The following HSF2BP variants were observed in gnomAD, a reference collection of about 807,000 sequenced individuals.
HSF2BP encodes heat shock factor 2-binding protein.
In HSF2BP, 35 loss-of-function variants were observed where a neutral mutation model predicts 35.0. The observed-to-expected ratio is 1.00, with a 90% CI of 0.76 to 1.32. The LOEUF (loss-of-function observed/expected upper bound fraction) is 1.32. Ranked by LOEUF, HSF2BP falls within the 40% of genes most tolerant of loss-of-function variation. HSF2BP has a pLI of 0.00. For synonymous variants in HSF2BP, 114 were observed against 117.4 expected, an observed-to-expected ratio of 0.97 and a Z score of 0.18; for missense variants, 326 against 321.7, an observed-to-expected ratio of 1.01 and a Z score of -0.10.
At chr21:43,592,101 G>A (rs1383886095) in intron 8 of HSF2BP, 124 bp downstream of exon 8, 1 of 635,860 alleles carries the variant, frequency 1.6e-6, no homozygotes, top group South Asian at 2.0e-5. Context: ...AGTATATAGA[G>A]AGGATTTGGT....
intron 4 of HSF2BP, among the ~76,000 whole-genome samples, chr21:43,634,557 T>G (rs946571670): frequency 6.6e-6 from 1 of 152,176 alleles, no homozygotes; most frequent in Non-Finnish European, 1.5e-5. Flanking sequence ...TTTCACCCCC[T>G]GGAGGAAAAA....
At chr21:43,644,497 T>C (rs942612249) in intron 3 of HSF2BP, 105 bp from the exon 4 acceptor site, 3 of 777,454 alleles carry the variant, frequency 3.9e-6, no homozygotes, top group Non-Finnish European at 6.5e-6. Flanking sequence ...ACTGATTTCT[T>C]AGGTGAGAAT....
chr21:43,626,867 AT>A (rs72562311), intron 6 of HSF2BP, among the ~76,000 whole-genome samples: 78,960 of 146,892 alleles, frequency 0.54, 21,055 homozygotes, highest in East Asian at 0.66. Flanking sequence ...ATACCAAGAA[AT>A]TTTTTTTTTT....
In HSF2BP at chr21:43,646,735, G is replaced by C. The variant is rs140491350; in HGVS notation, c.188-2343C>G. Reference sequence around the variant, plus strand: ...GGTTAAAACATCCCACTCTACGATAGGCAATCTCATAGAATTCCAGTCAGT... The same window carrying C: ...GGTTAAAACATCCCACTCTACGATACGCAATCTCATAGAATTCCAGTCAGT... On this transcript the variant is annotated intron_variant, in intron 3 of 8. Coordinates refer to ENST00000291560, the MANE Select transcript of HSF2BP (RefSeq NM_007031.2). Among the ~76,000 whole-genome samples the C allele has an allele frequency of 2.6e-5, 4 of 152,268 alleles. No homozygotes were observed. The East Asian group carries it at 7.7e-4, about 29-fold the overall frequency.
chr21:43,576,618 T>A (rs2081648019), intron 8 of HSF2BP, among the ~76,000 whole-genome samples: 1 of 152,244 alleles, frequency 6.6e-6, no homozygotes, highest in East Asian at 1.9e-4. Flanking sequence ...CTTGCCTTGG[T>A]AACACTAAGC....
rs1291511026 is a variant in HSF2BP, at chr21:43,604,431, CCA to C, written c.692+9397_692+9398del. 1.2e-3 allele frequency among the ~76,000 whole-genome samples: 164 copies of C among 136,082 alleles called. 2 individuals carry two copies. Among genetic ancestry groups the C allele is most frequent in the African/African-American group, 4.2e-3 (149 of 35,204 alleles). 89.3% of individuals were successfully genotyped at this position (136,082 alleles called of 152,430 possible). A position where few individuals can be genotyped will look rare whatever the true frequency, so the allele number is the denominator to read the frequency against. The stretch of plus-strand genomic sequence containing the variant: ...CACCATACACACCCCACACACCACA[CCA>C]CACACACACCACGCACACACCACAC... On this transcript the variant is annotated intron_variant, in intron 7 of 8. Transcript: ENST00000291560.
chr21:43,605,804 CCACA>C (rs769337799), intron 7 of HSF2BP, among the ~76,000 whole-genome samples: 102 of 151,710 alleles, frequency 6.7e-4, no homozygotes, highest in African/African-American at 1.3e-3. Context: ...TAAACATGCC[CCACA>C]CAAACGCATA....
At chr21:43,644,249 A>G in intron 4 of HSF2BP, 40 bp downstream of exon 4, 2 of 1,480,316 alleles carry the variant, frequency 1.4e-6, no homozygotes, top group African/African-American at 1.4e-5. Context: ...AGCCAGCCCC[A>G]CTTTCTGGCT....
At chr21:43,624,403 C>T (rs2082365592) in intron 6 of HSF2BP, among the ~76,000 whole-genome samples, 1 of 152,126 alleles carries the variant, frequency 6.6e-6, no homozygotes, top group African/African-American at 2.4e-5. Flanking sequence ...AAGACAAAAA[C>T]CGAAGGTCAT....
At chr21:43,606,005 C>T (rs185312429) in intron 7 of HSF2BP, among the ~76,000 whole-genome samples, 28 of 152,158 alleles carry the variant, frequency 1.8e-4, no homozygotes, top group Admixed American at 9.8e-4. Context: ...CAAGCTGAGG[C>T]GGCCACACTC....
intron 5 of HSF2BP, among the ~76,000 whole-genome samples, chr21:43,632,041 A>C (rs2082469887): frequency 5.2e-5 from 2 of 38,400 alleles, no homozygotes; most frequent in Non-Finnish European, 4.1e-5. Context: ...TCCCACACAC[A>C]CACACGCTCC....
At chr21:43,626,771 T>C (rs182516063) in intron 6 of HSF2BP, among the ~76,000 whole-genome samples, 148 of 152,330 alleles carry the variant, frequency 9.7e-4, no homozygotes, top group African/African-American at 3.4e-3. Context: ...TCGTTAAGGC[T>C]GATAAGTCAC....
chr21:43,612,049 G>A (rs753281785), intron 7 of HSF2BP, among the ~76,000 whole-genome samples: 12 of 152,076 alleles, frequency 7.9e-5, no homozygotes, highest in Non-Finnish European at 1.8e-4. Flanking sequence ...ACTCACGAGG[G>A]GCAGTTCCAA....
At chr21:43,641,612 A>G (rs773671046) in intron 4 of HSF2BP, among the ~76,000 whole-genome samples, 1 of 152,100 alleles carries the variant, frequency 6.6e-6, no homozygotes, top group African/African-American at 2.4e-5. Flanking sequence ...ATTGAACTCA[A>G]TAACTTCTGC....
chr21:43,652,734 C>T (rs948827078), intron 3 of HSF2BP, among the ~76,000 whole-genome samples: 8 of 152,156 alleles, frequency 5.3e-5, no homozygotes, highest in South Asian at 2.1e-4. Flanking sequence ...TAGGAGGCCA[C>T]AGTAAACCTC....
At chr21:43,657,940 C>G in intron 2 of HSF2BP, 121 bp downstream of exon 2, 1 of 1,506,656 alleles carries the variant, frequency 6.6e-7, no homozygotes, top group Non-Finnish European at 8.8e-7. Flanking sequence ...GGGAGGAAGT[C>G]TCCAGGCTTC....
chr21:43,620,483 CAG>C (rs2082318982), intron 6 of HSF2BP, among the ~76,000 whole-genome samples: 2 of 152,132 alleles, frequency 1.3e-5, no homozygotes, highest in Admixed American at 1.3e-4. Context: ...GCCTTGGGGC[CAG>C]GAGTTTGAGA....
At position 43,630,436 on chromosome 21, in the gene HSF2BP, A is replaced by G; in HGVS notation, c.460T>C (p.Phe154Leu). The G allele has an allele frequency of 1.2e-6, 2 of 1,612,446 alleles. No individual in the cohort carries two copies. The highest frequency in any genetic ancestry group is 8.5e-7 in the Non-Finnish European group (1 of 1,179,524). ...TCCATTGTTTGACCAGTGATGCTGA[A>G]AAACTTCAAAGCTTTATCCTGAAAG... Reference protein sequence around the residue: ...ILGGDKALKFFSITGQTMESF... With the variant: ...ILGGDKALKFLSITGQTMESF... Residue 154 changes from phenylalanine to leucine, a missense_variant, in exon 6 of 9, where the codon TTC becomes CTC. Coordinates refer to ENST00000291560, the MANE Select transcript of HSF2BP (RefSeq NM_007031.2).
rs879346919 is a variant in HSF2BP, at chr21:43,604,680, CCA to C, written c.692+9148_692+9149del. Among the ~76,000 whole-genome samples, 149 of 131,708 alleles carry C rather than the reference CCA, an allele frequency of 1.1e-3. 1 individual carries two copies. The highest frequency in any genetic ancestry group is 1.9e-3 in the Non-Finnish European group (119 of 61,900). 86.4% of individuals were successfully genotyped at this position (131,708 alleles called of 152,430 possible). Reference sequence around the variant, plus strand: ...CACCACACACACACACCACCACACACCACACACACACTACACACTGCACTCAC... The same window carrying C: ...CACCACACACACACACCACCACACACCACACACACTACACACTGCACTCAC... On this transcript the variant is annotated intron_variant, in intron 7 of 8. Transcript: ENST00000291560.
Sources: allele counts gnomAD v4.1 joint callset (sites outside exome capture counted in the v4.1 genomes callset), GRCh38; gene constraint gnomAD v4.1.1; transcripts MANE v1.5; gene names NCBI Gene and HGNC (gene_info 2026-07-23, HGNC 2026-07-21).